The following POM121C variants were observed in gnomAD, a reference collection of about 807,000 sequenced individuals.
POM121C encodes the protein nuclear envelope pore membrane protein POM 121C.
POM121C carries 20 observed loss-of-function variants against 66.4 expected under a neutral mutation model. The observed-to-expected ratio is 0.30, with a 90% confidence interval of 0.21 to 0.44. The LOEUF is 0.44. POM121C is among the 20% of genes least tolerant of loss of function. POM121C has a pLI of 1.00. For missense variants in POM121C, 580 were observed against 1,225.7 expected, an observed-to-expected ratio of 0.47 and a Z score of 7.87; for synonymous variants, 286 against 528.0, an observed-to-expected ratio of 0.54 and a Z score of 6.28.
chr7:75,474,017 G>A (rs1436778991), intron 3 of POM121C, among the ~76,000 whole-genome samples: 4 of 152,150 alleles, frequency 2.6e-5, no homozygotes, highest in Non-Finnish European at 5.9e-5. Flanking sequence ...AGCAAGGAAG[G>A]AAAGAAAATG....
chr7:75,465,226 C>T (rs1309725236), intron 3 of POM121C, among the ~76,000 whole-genome samples: 1 of 151,912 alleles, frequency 6.6e-6, no homozygotes, highest in African/African-American at 2.4e-5. Context: ...AACTCCTGAC[C>T]TCAGGTGATC....
chr7:75,425,128 C>T lies in POM121C; in HGVS notation c.714G>A (p.Gln238=). The T allele has an allele frequency of 6.8e-7, 1 of 1,479,190 alleles. No individual in the cohort carries two copies. The highest frequency in any genetic ancestry group is 9.0e-7 in the Non-Finnish European group (1 of 1,114,036). 91.6% of individuals were successfully genotyped at this position (1,479,190 alleles called of 1,614,324 possible). A position where few individuals can be genotyped will look rare whatever the true frequency, so the allele number is the denominator to read the frequency against. The change falls in exon 10 of 15, where the codon CAG becomes CAA. Residue 238 remains glutamine (Q), a synonymous_variant. Transcript: ENST00000615331. ...GCAGCAGCTGAACTTTCCGCTTACGCTGCCCAGAGCTGCCAGGTGTAGACT... is the reference window on the plus strand; with the variant it reads ...GCAGCAGCTGAACTTTCCGCTTACGTTGCCCAGAGCTGCCAGGTGTAGACT... ...NSQSTPGSSG[Q]RKRKVQLLPS...
At chr7:75,464,749 G>A (rs1229813346) in intron 3 of POM121C, among the ~76,000 whole-genome samples, 1 of 129,324 alleles carries the variant, frequency 7.7e-6, no homozygotes, top group Admixed American at 8.1e-5. Context: ...CCAGCTACTC[G>A]AGAGGCTGAG....
chr7:75,422,080 G>A lies in POM121C; in HGVS notation c.2172C>T (p.Pro724=), dbSNP rs1789739962. Reference sequence around the variant, plus strand: ...CAAAAGTGAAAGAGCTGCCAAAGCTGGGGGTAAGGGCTGGCTTGGCGGCCC... The same window carrying A: ...CAAAAGTGAAAGAGCTGCCAAAGCTAGGGGTAAGGGCTGGCTTGGCGGCCC... The part of the protein sequence containing the change: ...PPGAAKPALT[P]SFGSSFTFGN... The change falls in exon 13 of 15, where the codon CCC becomes CCT. Residue 724 remains proline, a synonymous_variant. Transcript: ENST00000615331. The A allele has an allele frequency of 6.8e-6, 11 of 1,609,166 alleles. No homozygotes were observed. Among genetic ancestry groups the A allele is most frequent in the Non-Finnish European group, 9.4e-6 (11 of 1,176,326 alleles).
chr7:75,437,492 C>A, intron 7 of POM121C, 23 bp downstream of exon 7: 1 of 1,590,456 alleles, frequency 6.3e-7, no homozygotes, highest in Non-Finnish European at 8.6e-7. Flanking sequence ...ATGCCCCCCA[C>A]ATTACAAGAG....
At chr7:75,474,198 A>T (rs1554479041) in intron 3 of POM121C, among the ~76,000 whole-genome samples, 1 of 152,124 alleles carries the variant, frequency 6.6e-6, no homozygotes, top group Non-Finnish European at 1.5e-5. Context: ...GTTCAAGACC[A>T]GCATGGCCAA....
In POM121C at chr7:75,422,210, G is replaced by A; in HGVS notation, c.2042C>T (p.Pro681Leu). The change falls in exon 13 of 15, where the codon CCC becomes CTC. Residue 681 changes from proline (P) to leucine (L), a missense_variant. Transcript: ENST00000615331. ...TGAGCCAAAGGGAATGTTGAACGTG[G>A]GGGTGCTCGTGTTACTGAACGTCAG... Reference protein sequence around the residue: ...PTLTFSNTSTPTFNIPFGSSA... With the variant: ...PTLTFSNTSTLTFNIPFGSSA... 6.2e-7 allele frequency: 1 copy of A among 1,611,000 alleles called. No individual in the cohort carries two copies.
chr7:75,467,117 G>T (rs1198710613), intron 3 of POM121C, among the ~76,000 whole-genome samples: 2 of 152,210 alleles, frequency 1.3e-5, no homozygotes, highest in African/African-American at 4.8e-5. Context: ...AATGCCAAAA[G>T]CTCAACAGAT....
chr7:75,457,034 C>A (rs1791245923), intron 3 of POM121C, among the ~76,000 whole-genome samples: 2 of 150,136 alleles, frequency 1.3e-5, no homozygotes, highest in African/African-American at 4.9e-5. Flanking sequence ...GTAATCCCAG[C>A]TACTCAGGAG....
intron 1 of POM121C, among the ~76,000 whole-genome samples, chr7:75,479,690 G>A (rs1390385112): frequency 6.6e-6 from 1 of 151,008 alleles, no homozygotes; most frequent in Non-Finnish European, 1.5e-5. Context: ...ATAGTGTGTG[G>A]CACTGATACC....
At chr7:75,429,068 G>C (rs1192735075) in intron 7 of POM121C, among the ~76,000 whole-genome samples, 1 of 152,034 alleles carries the variant, frequency 6.6e-6, no homozygotes, top group Non-Finnish European at 1.5e-5. Context: ...TTCATTGACT[G>C]TACGTACACA....
Position 75,424,515 on chromosome 7 carries a change from G to C in POM121C, c.871+11C>G, listed in dbSNP as rs782133801. On this transcript the variant is annotated intron_variant, in intron 11 of 14. Transcript: ENST00000615331. Reference sequence around the variant, plus strand: ...AAACCTCTCGAGAGTGCAACGATCTGTGCTCCTTACCACTCTTGTCCTCCA... The same window carrying C: ...AAACCTCTCGAGAGTGCAACGATCTCTGCTCCTTACCACTCTTGTCCTCCA... 1.4e-5 allele frequency: 22 copies of C among 1,612,558 alleles called. No individual in the cohort carries two copies. The highest frequency in any genetic ancestry group is 1.9e-5 in the Non-Finnish European group (22 of 1,178,672).
chr7:75,477,310 C>T (rs1440746780), intron 1 of POM121C, among the ~76,000 whole-genome samples: 2 of 152,148 alleles, frequency 1.3e-5, no homozygotes, highest in Admixed American at 6.5e-5. Context: ...TGCTTGGGCA[C>T]GGTGGCTCAC....
chr7:75,439,047 C>T, intron 6 of POM121C, 97 bp downstream of exon 6: 3 of 1,340,958 alleles, frequency 2.2e-6, no homozygotes, highest in Non-Finnish European at 2.1e-6. Context: ...ACTAATTAAG[C>T]AATGCAAAAA....
intron 3 of POM121C, among the ~76,000 whole-genome samples, chr7:75,442,958 C>T (rs1372246845): frequency 6.6e-6 from 1 of 152,178 alleles, no homozygotes; most frequent in African/African-American, 2.4e-5. Flanking sequence ...ATCCGGCTCC[C>T]ATCCGGAGGC....
intron 3 of POM121C, among the ~76,000 whole-genome samples, chr7:75,473,840 C>G (rs1442941277): frequency 6.6e-6 from 1 of 151,996 alleles, no homozygotes; most frequent in Non-Finnish European, 1.5e-5. Context: ...AGGCGCCCGC[C>G]ACTACGTCCG....
At chr7:75,460,845 G>C (rs1420544578) in intron 3 of POM121C, among the ~76,000 whole-genome samples, 5 of 152,116 alleles carry the variant, frequency 3.3e-5, no homozygotes, top group Admixed American at 2.0e-4. Context: ...GGGTCTCTGA[G>C]GACCAGCCCG....
intron 3 of POM121C, among the ~76,000 whole-genome samples, chr7:75,456,912 C>T (rs376022421): frequency 0.07 from 10,418 of 148,860 alleles, 132 homozygotes; most frequent in Non-Finnish European, 0.099. Flanking sequence ...TCTGGGAGGC[C>T]GAGGCAGGTG....
chr7:75,469,270 T>C (rs1162719463), intron 3 of POM121C, among the ~76,000 whole-genome samples: 1 of 152,098 alleles, frequency 6.6e-6, no homozygotes, highest in Non-Finnish European at 1.5e-5. Flanking sequence ...CAGCTAATTT[T>C]TTATTTTTTT....
Sources: allele counts gnomAD v4.1 joint callset (sites outside exome capture counted in the v4.1 genomes callset), GRCh38; gene constraint gnomAD v4.1.1; transcripts MANE v1.5; gene names NCBI Gene and HGNC (gene_info 2026-07-23, HGNC 2026-07-21).